RPRD1A: variants seen among roughly 807,000 people sequenced by gnomAD.
RPRD1A encodes regulation of nuclear pre-mRNA domain containing 1A.
A neutral mutation model predicts 37.8 loss-of-function variants in RPRD1A; 9 were observed. That is an observed-to-expected ratio of 0.24 (90% CI 0.14 to 0.42). RPRD1A has a LOEUF of 0.42. Among genes scored for constraint, RPRD1A ranks in the 10% least tolerant of loss-of-function variants. The probability of loss-of-function intolerance (pLI) is 1.00; values close to 1 mark genes in which losing one functional copy is unlikely to be tolerated. For missense variants in RPRD1A, 255 were observed against 371.0 expected (o/e 0.69, Z 2.57); for synonymous variants, 138 against 139.7 (o/e 0.99, Z 0.08).
At chr18:36,009,660 T>C (rs1038406538) in intron 6 of RPRD1A, among the ~76,000 whole-genome samples, 7 of 152,210 alleles carry the variant, frequency 4.6e-5, no homozygotes, top group Admixed American at 1.3e-4. Context: ...CATCAATACT[T>C]ATCTTTTTGG....
In RPRD1A at chr18:35,992,906, G is replaced by T; in HGVS notation, c.*245C>A. 3.1e-6 allele frequency: 1 copy of T among 327,346 alleles called. No homozygotes were observed. The allele number at this position is 327,346 out of a possible 1,614,324, so 20.3% of individuals were successfully genotyped here. A position where few individuals can be genotyped will look rare whatever the true frequency, so the allele number is the denominator to read the frequency against. On this transcript the variant is annotated 3_prime_UTR_variant, in exon 7 of 7. Transcript: ENST00000399022. ...AAAAAAATTTACAAAAAGATCTTTT[G>T]AAAATAATCACTATTTGTGAGCTTA...
intron 1 of RPRD1A, chr18:36,052,967 T>C (rs945144723): frequency 6.6e-6 from 1 of 151,612 alleles, no homozygotes; most frequent in African/African-American, 2.4e-5. Context: ...AAAAAAAAAG[T>C]TTTAAAGAAC....
intron 6 of RPRD1A, among the ~76,000 whole-genome samples, chr18:36,005,008 A>C (rs1050496997): frequency 1.3e-5 from 2 of 152,258 alleles, no homozygotes; most frequent in African/African-American, 4.8e-5. Context: ...TTTTTAAAAA[A>C]TACAACTGCA....
intron 6 of RPRD1A, among the ~76,000 whole-genome samples, chr18:35,997,360 A>T (rs1182803594): frequency 6.6e-6 from 1 of 152,224 alleles, no homozygotes; most frequent in Non-Finnish European, 1.5e-5. Flanking sequence ...TATATAGAAT[A>T]CACTTTTTAA....
At chr18:36,021,241 T>C (rs1043708604) in intron 6 of RPRD1A, among the ~76,000 whole-genome samples, 16 of 152,206 alleles carry the variant, frequency 1.1e-4, no homozygotes, top group African/African-American at 3.4e-4. Flanking sequence ...TGTGTTTTCT[T>C]ATAAGCTGAG....
intron 1 of RPRD1A, among the ~76,000 whole-genome samples, chr18:36,058,939 A>C (rs1398655829): frequency 6.6e-6 from 1 of 152,226 alleles, no homozygotes; most frequent in Non-Finnish European, 1.5e-5. Context: ...AGATCTTATA[A>C]AGATCTGGAA....
intron 6 of RPRD1A, among the ~76,000 whole-genome samples, chr18:36,017,503 C>G (rs918399580): frequency 2.2e-4 from 34 of 152,222 alleles, no homozygotes; most frequent in African/African-American, 8.0e-4. Flanking sequence ...TCAACCTCTA[C>G]TGGGCCTGAC....
intron 1 of RPRD1A, among the ~76,000 whole-genome samples, chr18:36,035,309 AACAAACAATCCTTTC>A (rs1310887292): frequency 7.0e-6 from 1 of 143,028 alleles, no homozygotes; most frequent in Admixed American, 6.8e-5. Context: ...TGGGTACCTG[AACAAACAATCCTTTC>A]ACTGCACTTT....
intron 6 of RPRD1A, among the ~76,000 whole-genome samples, chr18:36,022,211 A>G (rs1911040909): frequency 1.3e-5 from 2 of 152,364 alleles, no homozygotes; most frequent in Middle Eastern, 3.4e-3. Context: ...GCAAAGTTTG[A>G]AAGTAGCAGA....
At chr18:36,004,700 A>C (rs1215886070) in intron 6 of RPRD1A, among the ~76,000 whole-genome samples, 1 of 152,176 alleles carries the variant, frequency 6.6e-6, no homozygotes, top group Non-Finnish European at 1.5e-5. Context: ...GAAAGAAAAG[A>C]GATACCAGTC....
chr18:36,041,923 AGGAGGTCTCAGATT>A (rs1912612419), intron 1 of RPRD1A, among the ~76,000 whole-genome samples: 1 of 152,234 alleles, frequency 6.6e-6, no homozygotes, highest in African/African-American at 2.4e-5. Context: ...TACTACTGCC[AGGAGGTCTCAGATT>A]TGGCAGCCTA....
At chr18:36,014,612 G>A (rs185035577) in intron 6 of RPRD1A, among the ~76,000 whole-genome samples, 50 of 152,208 alleles carry the variant, frequency 3.3e-4, no homozygotes, top group Admixed American at 3.3e-3. Flanking sequence ...GTGTGGTGGC[G>A]GGCGCCTATA....
intron 6 of RPRD1A, among the ~76,000 whole-genome samples, chr18:36,024,566 T>G (rs1911231290): frequency 6.6e-6 from 1 of 152,204 alleles, no homozygotes; most frequent in Admixed American, 6.5e-5. Flanking sequence ...TCATTACACA[T>G]GCTTTAATAA....
chr18:36,035,730 T>C lies in RPRD1A; in HGVS notation c.152-1893A>G, dbSNP rs923740955. Among the ~76,000 whole-genome samples, 7 of 152,192 alleles carry C rather than the reference T, an allele frequency of 4.6e-5. No individual in the cohort carries two copies. In the East Asian group the frequency reaches 5.8e-4, roughly 13 times the overall value. On this transcript the variant is annotated intron_variant, in intron 1 of 6. Coordinates refer to ENST00000399022, the MANE Select transcript of RPRD1A (RefSeq NM_018170.5). ...ATCAATGAATAAACAAAATGTGAAT[T>C]ATATATTCAATAAAGTATTATTCAG...
intron 1 of RPRD1A, among the ~76,000 whole-genome samples, chr18:36,056,274 A>G (rs1225311688): frequency 6.6e-6 from 1 of 151,992 alleles, no homozygotes; most frequent in African/African-American, 2.4e-5. Flanking sequence ...AACATTCTTT[A>G]CAGCCTTTTG....
intron 1 of RPRD1A, among the ~76,000 whole-genome samples, chr18:36,034,270 T>G (rs958168870): frequency 6.6e-6 from 1 of 152,310 alleles, no homozygotes; most frequent in African/African-American, 2.4e-5. Flanking sequence ...AGATGTCCCT[T>G]CAATCAATTA....
intron 1 of RPRD1A, among the ~76,000 whole-genome samples, chr18:36,052,492 T>A (rs1416264858): frequency 6.6e-6 from 1 of 152,152 alleles, no homozygotes; most frequent in Non-Finnish European, 1.5e-5. Flanking sequence ...GTTTATCAAA[T>A]GGCACACAAC....
At chr18:36,017,633 C>A (rs1421160256) in intron 6 of RPRD1A, among the ~76,000 whole-genome samples, 2 of 152,196 alleles carry the variant, frequency 1.3e-5, no homozygotes, top group African/African-American at 4.8e-5. Flanking sequence ...GACTTCGTCT[C>A]AAGAAAGCGT....
intron 1 of RPRD1A, among the ~76,000 whole-genome samples, chr18:36,054,863 A>G (rs898960712): frequency 3.9e-5 from 4 of 101,720 alleles, no homozygotes; most frequent in Non-Finnish European, 8.3e-5. Flanking sequence ...AAAAAGAAAG[A>G]AAAAAAAAAA....
Sources: allele counts gnomAD v4.1 joint callset (sites outside exome capture counted in the v4.1 genomes callset), GRCh38; gene constraint gnomAD v4.1.1; transcripts MANE v1.5; gene names NCBI Gene and HGNC (gene_info 2026-07-23, HGNC 2026-07-21).